Variants in SUPT3H observed in about 807,000 individuals in gnomAD.
The protein encoded by SUPT3H is transcription initiation protein SPT3 homolog.
Under a neutral mutation model 44.3 loss-of-function variants are expected in SUPT3H, and 44 were observed. The observed-to-expected ratio is 0.99, with a 90% confidence interval of 0.78 to 1.28. The LOEUF is 1.28. Among genes scored for constraint, SUPT3H ranks in the 50% most tolerant of loss-of-function variants. The pLI, the probability that SUPT3H is intolerant of heterozygous loss-of-function variation, is 0.00. For missense variants in SUPT3H, 380 were observed against 387.1 expected (o/e 0.98, Z 0.15); for synonymous variants, 124 against 125.6 (o/e 0.99, Z 0.09).
intron 2 of SUPT3H, among the ~76,000 whole-genome samples, chr6:45,126,847 A>T (rs1223883054): frequency 6.6e-6 from 1 of 152,334 alleles, no homozygotes; most frequent in Non-Finnish European, 1.5e-5. Context: ...TCTGCAATTT[A>T]GTTCATTTTT....
intron 2 of SUPT3H, among the ~76,000 whole-genome samples, chr6:45,302,420 T>G (rs903147472): frequency 6.7e-6 from 1 of 149,694 alleles, no homozygotes; most frequent in Non-Finnish European, 1.5e-5. Context: ...CCAGGTGCTG[T>G]GAATGCCATT....
At chr6:45,099,541 C>T (rs888248182) in intron 3 of SUPT3H, among the ~76,000 whole-genome samples, 13 of 152,000 alleles carry the variant, frequency 8.6e-5, no homozygotes, top group Admixed American at 1.3e-4. Flanking sequence ...AATTCCAGCC[C>T]AGAATAATTA....
At chr6:45,325,796 T>C (rs953386013) in intron 2 of SUPT3H, among the ~76,000 whole-genome samples, 7 of 151,952 alleles carry the variant, frequency 4.6e-5, no homozygotes, top group Admixed American at 4.6e-4. Context: ...CACACTGTTA[T>C]CAAATGTGTA....
intron 6 of SUPT3H, among the ~76,000 whole-genome samples, chr6:44,964,504 G>A (rs1322494301): frequency 6.6e-6 from 1 of 152,092 alleles, no homozygotes; most frequent in Admixed American, 6.5e-5. Context: ...GAAATGAGAG[G>A]TAGCAAAATT....
intron 6 of SUPT3H, among the ~76,000 whole-genome samples, chr6:44,982,679 TCTC>T (rs10586449): frequency 0.34 from 50,934 of 151,906 alleles, 9,438 homozygotes; most frequent in Admixed American, 0.41. Context: ...GTCTCCTATC[TCTC>T]CTCTATCTTG....
At chr6:45,225,419 T>C (rs1766786516) in intron 2 of SUPT3H, among the ~76,000 whole-genome samples, 1 of 152,196 alleles carries the variant, frequency 6.6e-6, no homozygotes, top group Non-Finnish European at 1.5e-5. Context: ...AACTATCTTA[T>C]ATGCCTTAAT....
chr6:45,209,574 G>C (rs1425126357), intron 2 of SUPT3H, among the ~76,000 whole-genome samples: 1 of 152,248 alleles, frequency 6.6e-6, no homozygotes, highest in Non-Finnish European at 1.5e-5. Context: ...GATCAAACTT[G>C]AAGCAATGAG....
chr6:45,202,417 T>C (rs527815107), intron 2 of SUPT3H, among the ~76,000 whole-genome samples: 32 of 152,044 alleles, frequency 2.1e-4, no homozygotes, highest in Middle Eastern at 3.4e-3. Context: ...ATGAAGGCCT[T>C]ACATACTTGT....
At chr6:45,097,165 T>C (rs1347488390) in intron 3 of SUPT3H, among the ~76,000 whole-genome samples, 1 of 152,190 alleles carries the variant, frequency 6.6e-6, no homozygotes, top group Non-Finnish European at 1.5e-5. Flanking sequence ...ACTGTTCTGG[T>C]TGAATTTGGG....
chr6:45,113,558 G>A (rs1302691780), intron 2 of SUPT3H, among the ~76,000 whole-genome samples: 2 of 152,104 alleles, frequency 1.3e-5, no homozygotes, highest in African/African-American at 4.8e-5. Context: ...ATAAGGCTGG[G>A]CGTGGTGGCT....
intron 10 of SUPT3H, among the ~76,000 whole-genome samples, chr6:44,922,805 A>G (rs986457342): frequency 2.0e-5 from 3 of 152,174 alleles, no homozygotes; most frequent in African/African-American, 4.8e-5. Context: ...TAGACTTTAA[A>G]GAAGTTTCTT....
intron 2 of SUPT3H, among the ~76,000 whole-genome samples, chr6:45,291,998 AAAGTT>A (rs1780385997): frequency 6.6e-6 from 1 of 152,204 alleles, no homozygotes; most frequent in South Asian, 2.1e-4. Context: ...CAGGTTATCT[AAAGTT>A]AAGATGAAGG....
intron 10 of SUPT3H, among the ~76,000 whole-genome samples, chr6:44,857,188 T>G (rs1773878174): frequency 6.6e-6 from 1 of 152,218 alleles, no homozygotes; most frequent in Admixed American, 6.5e-5. Context: ...GTTTACCTTT[T>G]TAATCTTTTT....
intron 2 of SUPT3H, among the ~76,000 whole-genome samples, chr6:45,134,468 T>A (rs949200063): frequency 6.6e-6 from 1 of 152,156 alleles, no homozygotes; most frequent in Non-Finnish European, 1.5e-5. Flanking sequence ...TCCATCCCAA[T>A]AGCCCCAAAG....
At chr6:45,320,236 A>T (rs1785271352) in intron 2 of SUPT3H, among the ~76,000 whole-genome samples, 1 of 152,048 alleles carries the variant, frequency 6.6e-6, no homozygotes, top group Non-Finnish European at 1.5e-5. Context: ...CTATAAGAGG[A>T]GTGGACAAAC....
chr6:45,202,609 T>C (rs563689766), intron 2 of SUPT3H, among the ~76,000 whole-genome samples: 2 of 152,196 alleles, frequency 1.3e-5, no homozygotes, highest in East Asian at 3.9e-4. Flanking sequence ...AAACTTTTCC[T>C]AGTCATTAGC....
chr6:44,873,470 T>A (rs1582124228), intron 10 of SUPT3H, among the ~76,000 whole-genome samples: 1 of 42,536 alleles, frequency 2.4e-5, no homozygotes, highest in African/African-American at 7.5e-5. Context: ...AGACACCACA[T>A]ACCAGAATCT....
At chr6:45,317,457 A>C (rs891447435) in intron 2 of SUPT3H, among the ~76,000 whole-genome samples, 1 of 152,078 alleles carries the variant, frequency 6.6e-6, no homozygotes, top group Non-Finnish European at 1.5e-5. Flanking sequence ...CTATCAAGCT[A>C]CAGTAATCAA....
intron 2 of SUPT3H, among the ~76,000 whole-genome samples, chr6:45,340,272 G>T (rs1415475467): frequency 6.6e-6 from 1 of 152,042 alleles, no homozygotes; most frequent in Non-Finnish European, 1.5e-5. Context: ...GAACCAAAGA[G>T]ATTAAGAAAA....
Sources: gnomAD v4.1 joint callset for allele counts (sites outside exome capture counted in the v4.1 genomes callset) on GRCh38, gnomAD v4.1.1 for gene constraint, MANE v1.5 for transcripts, NCBI Gene and HGNC (gene_info 2026-07-23, HGNC 2026-07-21) for gene names.